MYH3: variants seen among roughly 807,000 people sequenced by gnomAD.
MYH3 encodes the protein myosin-3.
Under a neutral mutation model 238.0 loss-of-function variants are expected in MYH3, and 130 were observed. That is an observed-to-expected ratio of 0.55 (90% CI 0.47 to 0.63). The LOEUF is 0.63. MYH3 is among the 30% of genes least tolerant of loss of function. The pLI is 0.00. For missense variants in MYH3, 1,853 were observed against 2,374.9 expected, an observed-to-expected ratio of 0.78 and a Z score of 4.57; for synonymous variants, 880 against 924.1, an observed-to-expected ratio of 0.95 and a Z score of 0.86.
intron 31 of MYH3, 33 bp from the exon 32 acceptor site, chr17:10,634,215 T>C: frequency 6.2e-7 from 1 of 1,613,268 alleles, no homozygotes; most frequent in South Asian, 1.1e-5. Flanking sequence ...TCTCCGTTTC[T>C]GAGCTCTCCT....
chr17:10,664,854 G>C, the MYH3 span, among the ~76,000 whole-genome samples: 3 of 152,162 alleles, frequency 2.0e-5, no homozygotes, highest in African/African-American at 7.2e-5. Flanking sequence ...GACAAAAAAA[G>C]GAGGCAGGCA....
At chr17:10,628,812 A>G in intron 40 of MYH3, 133 bp from the exon 41 acceptor site, 1 of 948,448 alleles carries the variant, frequency 1.1e-6, no homozygotes, top group East Asian at 2.4e-5. Context: ...ACCTTGGGAA[A>G]ACGCACGATT....
At position 10,630,161 on chromosome 17, in the gene MYH3, C is replaced by T. The variant is rs2074140668; in HGVS notation, c.5493G>A (p.Gln1831=). ...RELEFELEGE[Q]KKNTESVKGL... ...CCTTAACAGACTCTGTGTTCTTCTT[C>T]TGCTCTCCCTCAAGTTCAAACTCCA... The change falls in exon 38 of 41, where the codon CAG becomes CAA. Residue 1831 remains glutamine (Q), a synonymous_variant. Coordinates refer to ENST00000583535, the MANE Select transcript of MYH3 (RefSeq NM_002470.4). 6.2e-7 allele frequency: 1 copy of T among 1,614,094 alleles called. No homozygotes were observed. The highest frequency in any genetic ancestry group is 1.3e-5 in the African/African-American group (1 of 74,924).
intron 5 of MYH3, among the ~76,000 whole-genome samples, chr17:10,651,295 C>T (rs1356010722): frequency 1.3e-5 from 2 of 152,070 alleles, no homozygotes; most frequent in Non-Finnish European, 2.9e-5. Flanking sequence ...CATCCATATC[C>T]GTTTTGCATA....
intron 30 of MYH3, 122 bp from the exon 31 acceptor site, chr17:10,635,145 A>C: frequency 7.5e-7 from 1 of 1,333,636 alleles, no homozygotes; most frequent in Non-Finnish European, 1.0e-6. Context: ...TTATACGCCC[A>C]GGAGAATTTC....
At chr17:10,662,076 C>T (rs948016957), upstream of MYH3, among the ~76,000 whole-genome samples, 5 of 151,584 alleles carry the variant, frequency 3.3e-5, no homozygotes, top group Non-Finnish European at 7.4e-5. Flanking sequence ...GGCTGGAGTG[C>T]AGTGCCATGA....
the MYH3 span, among the ~76,000 whole-genome samples, chr17:10,666,349 G>A: frequency 6.6e-6 from 1 of 152,124 alleles, no homozygotes; most frequent in Non-Finnish European, 1.5e-5. Flanking sequence ...GCCAGCTGAG[G>A]TGGGAGAATT....
Position 10,642,165 on chromosome 17 carries a change from G to T in MYH3, c.1959+75C>A. 1.5e-6 allele frequency: 2 copies of T among 1,355,644 alleles called. No individual in the cohort carries two copies. The highest frequency in any genetic ancestry group is 2.1e-6 in the Non-Finnish European group (2 of 958,308). The allele number at this position is 1,355,644 out of a possible 1,614,324, so 84.0% of individuals were successfully genotyped here. A position where few individuals can be genotyped will look rare whatever the true frequency, so the allele number is the denominator to read the frequency against. Reference sequence around the variant, plus strand: ...ACACTACTACTCTCAAATAAATCAAGCTTAGAATCTCAGCATTGCTCATTT... The same window carrying T: ...ACACTACTACTCTCAAATAAATCAATCTTAGAATCTCAGCATTGCTCATTT... On this transcript the variant is annotated intron_variant, in intron 17 of 40. Transcript: ENST00000583535. This position sits in a 1 kb window ranked among gnomAD's most constrained non-coding sequence, Gnocchi z 5.4.
Position 10,639,815 on chromosome 17 carries a change from AG to A in MYH3, c.2683-14del. The A allele has an allele frequency of 1.2e-6, 2 of 1,613,250 alleles. No individual in the cohort carries two copies. The highest frequency in any genetic ancestry group is 1.7e-6 in the Non-Finnish European group (2 of 1,179,342). On this transcript the variant is annotated splice_polypyrimidine_tract_variant and intron_variant, in intron 22 of 40. Coordinates refer to ENST00000583535, the MANE Select transcript of MYH3 (RefSeq NM_002470.4). ...AATTTTCGCTTTCCTTAAAAAAAAA[AG>A]AATAATAACTTCGTTGAATGATATA... is the stretch of plus-strand genomic sequence containing the variant.
chr17:10,638,509 C>T (rs1164191965), intron 26 of MYH3, 77 bp from the exon 27 acceptor site: 1 of 1,576,380 alleles, frequency 6.3e-7, no homozygotes, highest in Non-Finnish European at 8.6e-7. Flanking sequence ...AGGCTGGTTT[C>T]CCTTCCCATT....
At chr17:10,663,933 T>C in the MYH3 span, among the ~76,000 whole-genome samples, 6 of 151,666 alleles carry the variant, frequency 4.0e-5, no homozygotes, top group Non-Finnish European at 7.4e-5. Flanking sequence ...TGTGGTGGCG[T>C]GCACCTGTAA....
chr17:10,674,298 C>T, the MYH3 span: 1 of 162,706 alleles, frequency 6.1e-6, no homozygotes, highest in Non-Finnish European at 1.3e-5. Context: ...TGGTGGCGGG[C>T]GCCTGTAATC....
Position 10,639,441 on chromosome 17 carries a change from C to G in MYH3, c.2959G>C (p.Asp987His), listed in dbSNP as rs1472919523. 7 of 1,613,996 alleles carry G rather than the reference C, an allele frequency of 4.3e-6. No individual in the cohort carries two copies. The African/African-American group carries it at 5.3e-5, about 12-fold the overall frequency. Reference sequence around the variant, plus strand: ...CTGGTTAACTTTGCAATTGTTTCATCTAACCCAGAGAGTTCCTCAGTAAGG... The same window carrying G: ...CTGGTTAACTTTGCAATTGTTTCATGTAACCCAGAGAGTTCCTCAGTAAGG... Reference protein sequence around the residue: ...KNLTEELSGLDETIAKLTREK... With the variant: ...KNLTEELSGLHETIAKLTREK... The change falls in exon 24 of 41, where the codon GAT becomes CAT. Residue 987 changes from aspartate to histidine, a missense_variant. Physicochemically the swap from Asp to His is moderately conservative, Grantham distance 81. Coordinates refer to ENST00000583535, the MANE Select transcript of MYH3 (RefSeq NM_002470.4).
In MYH3 at chr17:10,644,411, C is replaced by T. The variant is rs141874357; in HGVS notation, c.1350G>A (p.Thr450=). The T allele has an allele frequency of 6.6e-5, 106 of 1,614,136 alleles. No homozygotes were observed. In the African/African-American group the frequency reaches 1.1e-3, roughly 17 times the overall value. ...CAATGAAGTGTTGTCTTGGAAGCTT[C>T]GTATCCAGTTGCTGGTTAATGCGAG... is the stretch of plus-strand genomic sequence containing the variant. The part of the protein sequence containing the change: ...MVTRINQQLD[T]KLPRQHFIGV... Residue 450 remains threonine (T), a synonymous_variant, in exon 14 of 41, where the codon ACG becomes ACA. Coordinates refer to ENST00000583535, the MANE Select transcript of MYH3 (RefSeq NM_002470.4).
At position 10,642,710 on chromosome 17, in the gene MYH3, A is replaced by T. The variant is rs1472516877; in HGVS notation, c.1595T>A (p.Phe532Tyr). 8.7e-6 allele frequency: 14 copies of T among 1,614,036 alleles called. No homozygotes were observed. Among genetic ancestry groups the T allele is most frequent in the Non-Finnish European group, 1.2e-5 (14 of 1,180,030 alleles). The change falls in exon 16 of 41, where the codon TTC becomes TAC. Residue 532 changes from phenylalanine to tyrosine, a missense_variant. By Grantham distance (22) the Phe-to-Tyr change is conservative (BLOSUM62 3). Transcript: ENST00000583535. This position sits in a 1 kb window ranked among gnomAD's most constrained non-coding sequence, Gnocchi z 5.4. ...CATGCACTCCTCTTCCAGGATGGAG[A>T]AGATGCCCATAGGCTGGATTGAAGG... ...IELIEKPMGI[F>Y]SILEEECMFP...
chr17:10,629,760 T>C (rs775984807), intron 39 of MYH3, 26 bp from the exon 40 acceptor site: 7 of 1,614,094 alleles, frequency 4.3e-6, no homozygotes, highest in Non-Finnish European at 5.9e-6. Context: ...CCAGGCAGGT[T>C]ATATCAGCAC....
Position 10,629,073 on chromosome 17 carries a change from A to G in MYH3, c.5797-394T>C, listed in dbSNP as rs572118699. 3.3e-5 allele frequency among the ~76,000 whole-genome samples: 5 copies of G among 152,194 alleles called. No individual in the cohort carries two copies. The East Asian group carries it at 9.7e-4, about 29-fold the overall frequency. On this transcript the variant is annotated intron_variant, in intron 40 of 40. Coordinates refer to ENST00000583535, the MANE Select transcript of MYH3 (RefSeq NM_002470.4). ...TGTGCAGAACGTGCAGGTTTGTTAC[A>G]TAGGTATACATGTGCCATGGTGGTT...
At chr17:10,670,219 T>C in the MYH3 span, among the ~76,000 whole-genome samples, 1 of 152,160 alleles carries the variant, frequency 6.6e-6, no homozygotes, top group African/African-American at 2.4e-5. This position sits in a 1 kb window ranked among gnomAD's most constrained non-coding sequence, Gnocchi z 7.0. Context: ...AGCATTTCTG[T>C]TCCATGGCCA....
At chr17:10,645,617 C>A in intron 12 of MYH3, 90 bp downstream of exon 12, 1 of 1,523,674 alleles carries the variant, frequency 6.6e-7, no homozygotes, top group Non-Finnish European at 9.0e-7. Context: ...GCCACTGTGC[C>A]TGGCTGGATT....
Sources: gnomAD v4.1 joint callset for allele counts (sites outside exome capture counted in the v4.1 genomes callset) on GRCh38, gnomAD v4.1.1 for gene constraint, Gnocchi (gnomAD v3.1) non-coding constraint, MANE v1.5 for transcripts, NCBI Gene and HGNC (gene_info 2026-07-23, HGNC 2026-07-21) for gene names.